DENND5B: variants seen among roughly 807,000 people sequenced by gnomAD.
DENND5B encodes DENN domain-containing protein 5B.
A neutral mutation model predicts 140.6 loss-of-function variants in DENND5B; 34 were observed. The observed-to-expected ratio is 0.24, with a 90% CI of 0.18 to 0.32. The LOEUF is 0.32. Ranked by LOEUF, DENND5B falls within the 10% of genes least tolerant of loss-of-function variation. DENND5B has a pLI of 1.00. For missense variants in DENND5B, 1,142 were observed against 1,560.2 expected (o/e 0.73, Z 4.52); for synonymous variants, 551 against 562.1 (o/e 0.98, Z 0.28).
chr12:31,464,513 TCCCCAATA>T (rs1264644960), intron 3 of DENND5B, among the ~76,000 whole-genome samples: 1 of 152,164 alleles, frequency 6.6e-6, no homozygotes, highest in Non-Finnish European at 1.5e-5. Context: ...TGGTCTCTCT[TCCCCAATA>T]CCCCATCATC....
At chr12:31,455,910 T>C (rs947452115) in intron 4 of DENND5B, among the ~76,000 whole-genome samples, 5 of 152,026 alleles carry the variant, frequency 3.3e-5, no homozygotes, top group African/African-American at 4.8e-5. Flanking sequence ...TCCCAGCTAG[T>C]TGAGAGGTTG....
intron 1 of DENND5B, among the ~76,000 whole-genome samples, chr12:31,530,070 A>G (rs1323314216): frequency 6.6e-6 from 1 of 152,170 alleles, no homozygotes; most frequent in African/African-American, 2.4e-5. Context: ...AAGAGGAGCA[A>G]CATTTAAAAA....
At chr12:31,528,300 G>A (rs137995994) in intron 1 of DENND5B, among the ~76,000 whole-genome samples, 1 of 152,276 alleles carries the variant, frequency 6.6e-6, no homozygotes, top group Non-Finnish European at 1.5e-5. Flanking sequence ...TCCAAACTCT[G>A]CCTGTCTTCA....
At chr12:31,557,692 TGAC>T (rs1949339454) in intron 1 of DENND5B, among the ~76,000 whole-genome samples, 1 of 151,744 alleles carries the variant, frequency 6.6e-6, no homozygotes, top group Non-Finnish European at 1.5e-5. Flanking sequence ...ATAACCTATC[TGAC>T]TACTACCCTT....
intron 2 of DENND5B, among the ~76,000 whole-genome samples, chr12:31,487,616 C>A (rs1034114808): frequency 6.6e-6 from 1 of 152,072 alleles, no homozygotes; most frequent in South Asian, 2.1e-4. Flanking sequence ...GCACGAGAAT[C>A]GCATGAATCC....
chr12:31,519,806 C>A (rs941118047), intron 1 of DENND5B, among the ~76,000 whole-genome samples: 12 of 152,312 alleles, frequency 7.9e-5, no homozygotes, highest in Non-Finnish European at 1.6e-4. Context: ...CTATATTGCA[C>A]ATACCCTTAC....
chr12:31,426,231 T>C (rs1284814106), intron 9 of DENND5B, 62 bp downstream of exon 9: 2 of 1,523,120 alleles, frequency 1.3e-6, no homozygotes, highest in Non-Finnish European at 1.8e-6. Context: ...TCAGTTCATC[T>C]TAGCCTCACA....
chr12:31,501,907 G>C (rs1046994483), intron 1 of DENND5B, among the ~76,000 whole-genome samples: 1 of 152,112 alleles, frequency 6.6e-6, no homozygotes, highest in African/African-American at 2.4e-5. Flanking sequence ...GGGAAATTGT[G>C]TGTGTGGGGT....
intron 15 of DENND5B, among the ~76,000 whole-genome samples, chr12:31,401,303 G>T (rs924764261): frequency 6.6e-6 from 1 of 152,148 alleles, no homozygotes; most frequent in Non-Finnish European, 1.5e-5. Flanking sequence ...AATGATGGGG[G>T]TTTTAATGTA....
intron 15 of DENND5B, among the ~76,000 whole-genome samples, chr12:31,400,935 C>T (rs981678931): frequency 2.6e-5 from 4 of 151,946 alleles, no homozygotes; most frequent in Admixed American, 6.6e-5. Context: ...CTCCGCCTCC[C>T]GGATTCAAGC....
chr12:31,413,101 G>A (rs1406676485), intron 13 of DENND5B, among the ~76,000 whole-genome samples: 2 of 152,130 alleles, frequency 1.3e-5, no homozygotes, highest in Admixed American at 1.3e-4. Flanking sequence ...ATTTTTTGTA[G>A]AGACGGGGTT....
At chr12:31,560,220 C>T (rs963486114) in intron 1 of DENND5B, among the ~76,000 whole-genome samples, 2 of 152,172 alleles carry the variant, frequency 1.3e-5, no homozygotes, top group Admixed American at 6.5e-5. Context: ...AAAATGGATT[C>T]CTGAGCTGTG....
At chr12:31,403,165 T>C (rs969893523) in intron 14 of DENND5B, among the ~76,000 whole-genome samples, 1 of 152,146 alleles carries the variant, frequency 6.6e-6, no homozygotes, top group African/African-American at 2.4e-5. Context: ...CAGAACAATA[T>C]GCAAAAACCA....
chr12:31,589,898 G>A (rs759120778), intron 1 of DENND5B: 1 of 152,192 alleles, frequency 6.6e-6, no homozygotes, highest in Non-Finnish European at 1.5e-5. Context: ...CCCTTTTAAC[G>A]GCGTCGTTTG....
intron 1 of DENND5B, among the ~76,000 whole-genome samples, chr12:31,580,112 T>G (rs1950168753): frequency 1.3e-5 from 2 of 152,086 alleles, no homozygotes; most frequent in African/African-American, 4.8e-5. Flanking sequence ...AAACCACAAC[T>G]GAAGCTACAA....
intron 1 of DENND5B, among the ~76,000 whole-genome samples, chr12:31,501,788 G>GAAGGAA (rs1947015742): frequency 7.9e-6 from 1 of 125,848 alleles, no homozygotes; most frequent in Admixed American, 8.4e-5. Flanking sequence ...AAAAAAAAAA[G>GAAGGAA]AAAGAAAAAA....
chr12:31,579,698 G>A (rs1950146461), intron 1 of DENND5B, among the ~76,000 whole-genome samples: 1 of 127,318 alleles, frequency 7.9e-6, no homozygotes, highest in Non-Finnish European at 1.6e-5. Context: ...AAGAAAAGGA[G>A]AAAGAGAGAA....
chr12:31,565,270 T>C (rs920472013), intron 1 of DENND5B, among the ~76,000 whole-genome samples: 1 of 152,116 alleles, frequency 6.6e-6, no homozygotes, highest in Non-Finnish European at 1.5e-5. Context: ...GGCACACACC[T>C]GTAGTCCCAA....
At chr12:31,460,001 G>A in intron 4 of DENND5B, among the ~76,000 whole-genome samples, 193 bp downstream of exon 4, 1 of 152,178 alleles carries the variant, frequency 6.6e-6, no homozygotes, top group East Asian at 1.9e-4. Context: ...TTTTAAACCA[G>A]GTTTAATGAC....
Sources: allele counts gnomAD v4.1 joint callset (sites outside exome capture counted in the v4.1 genomes callset), GRCh38; gene constraint gnomAD v4.1.1; transcripts MANE v1.5; gene names NCBI Gene and HGNC (gene_info 2026-07-23, HGNC 2026-07-21).